BANK1: variants seen among roughly 807,000 people sequenced by gnomAD.
The protein encoded by BANK1 is B-cell scaffold protein with ankyrin repeats.
BANK1 carries 95 observed loss-of-function variants against 94.5 expected under a neutral mutation model. The ratio of observed to expected loss-of-function variants is 1.00; its 90% CI spans 0.85 to 1.19. BANK1 has a LOEUF of 1.19. Among genes scored for constraint, BANK1 ranks in the 50% most tolerant of loss-of-function variants. The pLI, the probability that BANK1 is intolerant of heterozygous loss-of-function variation, is 0.00. For missense variants in BANK1, 987 were observed against 932.2 expected (o/e 1.06, Z -0.77); for synonymous variants, 334 against 308.4 (o/e 1.08, Z -0.87).
At chr4:102,029,643 A>C (rs1328866128) in intron 9 of BANK1, among the ~76,000 whole-genome samples, 2 of 150,066 alleles carry the variant, frequency 1.3e-5, no homozygotes, top group Non-Finnish European at 3.0e-5. Context: ...TCTACACAAA[A>C]TAATATGGAA....
At chr4:101,912,430 C>T (rs886850301) in intron 6 of BANK1, among the ~76,000 whole-genome samples, 5 of 151,722 alleles carry the variant, frequency 3.3e-5, no homozygotes, top group African/African-American at 7.3e-5. Context: ...TTGCCAAAGC[C>T]GCCACAGCAT....
chr4:101,987,022 T>A (rs1578438243), intron 7 of BANK1, among the ~76,000 whole-genome samples: 1 of 146,974 alleles, frequency 6.8e-6, no homozygotes. Flanking sequence ...AGAAAAGCTA[T>A]GTCAAGAAAA....
At chr4:102,002,584 CACACAT>C (rs890168118) in intron 7 of BANK1, among the ~76,000 whole-genome samples, 4 of 126,126 alleles carry the variant, frequency 3.2e-5, no homozygotes, top group African/African-American at 5.6e-5. Context: ...CACACACACA[CACACAT>C]ATATATATAC....
chr4:102,001,566 C>G (rs1181071872), intron 7 of BANK1, among the ~76,000 whole-genome samples: 2 of 152,184 alleles, frequency 1.3e-5, no homozygotes, highest in Non-Finnish European at 1.5e-5. Flanking sequence ...TGCCACTGCA[C>G]TCCAGCCTGG....
chr4:101,844,338 C>T (rs187358632), intron 2 of BANK1, among the ~76,000 whole-genome samples: 20 of 151,976 alleles, frequency 1.3e-4, no homozygotes, highest in Admixed American at 1.0e-3. Flanking sequence ...GCACAATAGG[C>T]GAAACAGAAG....
At chr4:102,073,639 G>A (rs1728826222) in intron 15 of BANK1, 45 bp from the exon 16 acceptor site, 1 of 1,547,856 alleles carries the variant, frequency 6.5e-7, no homozygotes, top group Non-Finnish European at 8.9e-7. Context: ...CTTAAAATAG[G>A]GACAAATCGA....
chr4:101,969,732 C>G (rs913375944), intron 7 of BANK1, among the ~76,000 whole-genome samples: 3 of 151,994 alleles, frequency 2.0e-5, no homozygotes, highest in African/African-American at 7.2e-5. Flanking sequence ...AATGGACACC[C>G]TATTTGTTAC....
chr4:101,804,540 A>G (rs1400618787), intron 1 of BANK1, among the ~76,000 whole-genome samples: 1 of 152,204 alleles, frequency 6.6e-6, no homozygotes, highest in Non-Finnish European at 1.5e-5. Context: ...TCATGACATT[A>G]CAAGCAAAAG....
rs1722008543 is a variant in BANK1 at position 101,894,911 on chromosome 4, T to C, written c.904-394T>C. Among the ~76,000 whole-genome samples the C allele has an allele frequency of 2.0e-5, 3 of 151,968 alleles. No homozygotes were observed. In the South Asian group the frequency reaches 6.2e-4, roughly 31 times the overall value. ...TTAAGTTGAAGAAAAAGACTGATCA[T>C]TTTATCATTTCATTTATTAAACTGC... On this transcript the variant is annotated intron_variant, in intron 5 of 16. Transcript: ENST00000322953.
intron 1 of BANK1, among the ~76,000 whole-genome samples, chr4:101,792,463 GTGTGTGTTT>G (rs1358787020): frequency 2.1e-5 from 2 of 94,920 alleles, no homozygotes; most frequent in African/African-American, 6.1e-5. Context: ...GTGTGTGTGT[GTGTGTGTTT>G]TTTTTTTTTT....
At chr4:101,826,822 G>A (rs1726385317) in intron 1 of BANK1, among the ~76,000 whole-genome samples, 2 of 151,874 alleles carry the variant, frequency 1.3e-5, no homozygotes, top group Admixed American at 1.3e-4. Context: ...AAGAAATTGT[G>A]CTTGGCATTG....
chr4:101,968,794 A>G (rs1468900474), intron 7 of BANK1, among the ~76,000 whole-genome samples: 1 of 152,106 alleles, frequency 6.6e-6, no homozygotes, highest in Non-Finnish European at 1.5e-5. Context: ...AGGTGGAGAG[A>G]GGGAAATCCA....
intron 1 of BANK1, among the ~76,000 whole-genome samples, chr4:101,791,528 T>C (rs2148846517): frequency 6.6e-6 from 1 of 152,338 alleles, no homozygotes; most frequent in African/African-American, 2.4e-5. Context: ...AATGCAGAAG[T>C]AGATTTATAT....
At chr4:101,824,190 A>C (rs1726278868) in intron 1 of BANK1, among the ~76,000 whole-genome samples, 1 of 152,176 alleles carries the variant, frequency 6.6e-6, no homozygotes, top group Admixed American at 6.5e-5. Context: ...TTCTTGGTAC[A>C]CTAAATCCCT....
At chr4:102,060,463 A>G in intron 12 of BANK1, 74 bp downstream of exon 12, 2 of 1,478,326 alleles carry the variant, frequency 1.4e-6, no homozygotes, top group East Asian at 2.4e-5. Flanking sequence ...TTTAATTTTC[A>G]TGAGGAATAC....
At chr4:101,822,619 T>A (rs941583985) in intron 1 of BANK1, among the ~76,000 whole-genome samples, 3 of 118,628 alleles carry the variant, frequency 2.5e-5, no homozygotes, top group African/African-American at 9.5e-5. Flanking sequence ...AATCAATACT[T>A]TTTTTTTTTT....
intron 5 of BANK1, among the ~76,000 whole-genome samples, chr4:101,875,528 A>G (rs1728457953): frequency 6.6e-6 from 1 of 152,086 alleles, no homozygotes; most frequent in Non-Finnish European, 1.5e-5. Flanking sequence ...TTTTTAAACC[A>G]TCAGATCTCA....
intron 6 of BANK1, among the ~76,000 whole-genome samples, chr4:101,915,972 T>G (rs1190568900): frequency 6.6e-6 from 1 of 152,022 alleles, no homozygotes; most frequent in African/African-American, 2.4e-5. Context: ...TCCACAGAAA[T>G]AATAACATTT....
At chr4:102,016,837 C>T (rs1386175) in intron 7 of BANK1, among the ~76,000 whole-genome samples, 14,410 of 152,048 alleles carry the variant, frequency 0.095, 1,295 homozygotes, top group African/African-American at 0.23. Context: ...GCTAAAGACA[C>T]GCCCACGAAT....
Sources: allele counts gnomAD v4.1 joint callset (sites outside exome capture counted in the v4.1 genomes callset), GRCh38; gene constraint gnomAD v4.1.1; transcripts MANE v1.5; gene names NCBI Gene and HGNC (gene_info 2026-07-23, HGNC 2026-07-21).